AGO4: variants seen among roughly 807,000 people sequenced by gnomAD.
AGO4 encodes the protein protein argonaute-4.
Under a neutral mutation model 104.7 loss-of-function variants are expected in AGO4, and 33 were observed. The observed-to-expected ratio is 0.32, with a 90% CI of 0.24 to 0.42. AGO4 has a LOEUF of 0.42. Among genes scored for constraint, AGO4 ranks in the 10% least tolerant of loss-of-function variants. AGO4 has a pLI of 1.00. For missense variants in AGO4, 711 were observed against 1,083.4 expected (o/e 0.66, Z 4.83); for synonymous variants, 331 against 364.7 (o/e 0.91, Z 1.05).
At chr1:35,852,988 C>T (rs1037916306) in intron 17 of AGO4, among the ~76,000 whole-genome samples, 4 of 152,244 alleles carry the variant, frequency 2.6e-5, no homozygotes, top group Admixed American at 6.5e-5. Flanking sequence ...CGGTGGCTCA[C>T]GCCTGTAATC....
chr1:35,820,262 AC>A (rs1643864635), intron 2 of AGO4, among the ~76,000 whole-genome samples: 1 of 152,234 alleles, frequency 6.6e-6, no homozygotes, highest in African/African-American at 2.4e-5. Context: ...AAGAGGAATT[AC>A]AGACAACTCC....
intron 1 of AGO4, among the ~76,000 whole-genome samples, chr1:35,813,887 A>C (rs1643592330): frequency 6.6e-6 from 1 of 151,966 alleles, no homozygotes; most frequent in Non-Finnish European, 1.5e-5. Context: ...CAGCCTGGCC[A>C]ATGTAGTGAA....
At chr1:35,822,834 A>G (rs748553251) in intron 2 of AGO4, 28 bp from the exon 3 acceptor site, 2 of 1,611,822 alleles carry the variant, frequency 1.2e-6, no homozygotes, top group Non-Finnish European at 1.7e-6. Flanking sequence ...TCTGAAAGCT[A>G]ACTGCCATTA....
intron 13 of AGO4, among the ~76,000 whole-genome samples, chr1:35,839,341 TA>T (rs1279246247): frequency 6.6e-6 from 1 of 152,200 alleles, no homozygotes; most frequent in African/African-American, 2.4e-5. Flanking sequence ...GAAGTTAACC[TA>T]AAGTCTGTCT....
chr1:35,822,269 T>C (rs1322421204), intron 2 of AGO4, among the ~76,000 whole-genome samples: 1 of 152,100 alleles, frequency 6.6e-6, no homozygotes, highest in Non-Finnish European at 1.5e-5. Context: ...TTCTTTTTTT[T>C]CTTGAGACAG....
At position 35,850,330 on chromosome 1, in the gene AGO4, C is replaced by A. The variant is rs7354931; in HGVS notation, c.2277+72C>A. On this transcript the variant is annotated intron_variant, in intron 16 of 17. Transcript: ENST00000373210. ...TGCAAATTCAGCAACTAGCTTGAGTCGACTTGTTATTTAACACCGTGCCTA... is the reference window on the plus strand; with the variant it reads ...TGCAAATTCAGCAACTAGCTTGAGTAGACTTGTTATTTAACACCGTGCCTA... 4,799 of 1,143,442 alleles carry A rather than the reference C, an allele frequency of 4.2e-3. 90 individuals are homozygous for A. In the African/African-American group the frequency reaches 0.05, roughly 12 times the overall value. 70.8% of individuals were successfully genotyped at this position (1,143,442 alleles called of 1,614,324 possible).
chr1:35,811,173 A>C (rs981842764), intron 1 of AGO4, among the ~76,000 whole-genome samples: 3 of 150,956 alleles, frequency 2.0e-5, no homozygotes, highest in Admixed American at 1.3e-4. Flanking sequence ...ACCAAACCAC[A>C]ACAAAAAAAC....
chr1:35,817,444 C>T (rs1275784185), intron 2 of AGO4, among the ~76,000 whole-genome samples: 1 of 151,802 alleles, frequency 6.6e-6, no homozygotes, highest in Non-Finnish European at 1.5e-5. Context: ...CAGAAGATTA[C>T]TTGCAGATTT....
At chr1:35,823,075 A>G (rs1426876380) in intron 3 of AGO4, 93 bp downstream of exon 3, 5 of 1,461,806 alleles carry the variant, frequency 3.4e-6, no homozygotes, top group Admixed American at 1.9e-5. Context: ...CACAAAAAAC[A>G]TAAATGTTTG....
intron 7 of AGO4, among the ~76,000 whole-genome samples, chr1:35,830,973 CAAAAA>C (rs543347096): frequency 1.8e-5 from 1 of 57,094 alleles, no homozygotes. Flanking sequence ...CTCTGTCTCA[CAAAAA>C]AAAAAAAAAA....
chr1:35,841,278 A>G lies in AGO4; in HGVS notation c.1838A>G (p.His613Arg). The change falls in exon 14 of 18, where the codon CAC (histidine) becomes CGC (arginine). Residue 613 changes from histidine to arginine, a missense_variant. Physicochemically the swap from His to Arg is conservative, Grantham distance 29. This residue lies in a region of AGO4 where 401 missense variants were observed against 665.5 expected (regional missense o/e 0.60). Transcript: ENST00000373210. This position sits in a 1 kb window ranked among gnomAD's most constrained non-coding sequence, Gnocchi z 4.7. ...GCTGTGGTTGGCAGTATGGATGGCC[A>G]CCCCAGCCGGTACTGTGCCACCGTT... ...IAAVVGSMDGHPSRYCATVRV... is the reference protein window; with the variant it reads ...IAAVVGSMDGRPSRYCATVRV... 1 of 1,607,186 alleles carries G rather than the reference A, an allele frequency of 6.2e-7. No individual in the cohort carries two copies. The highest frequency in any genetic ancestry group is 8.5e-7 in the Non-Finnish European group (1 of 1,178,008).
Position 35,841,147 on chromosome 1 carries a change from C to T in AGO4, c.1725-18C>T. 2.5e-6 allele frequency: 4 copies of T among 1,596,324 alleles called. No individual in the cohort carries two copies. Among genetic ancestry groups the T allele is most frequent in the Non-Finnish European group, 3.4e-6 (4 of 1,166,270 alleles). On this transcript the variant is annotated intron_variant, in intron 13 of 17. Coordinates refer to ENST00000373210, the MANE Select transcript of AGO4 (RefSeq NM_017629.4). This position sits in a 1 kb window ranked among gnomAD's most constrained non-coding sequence, Gnocchi z 4.7. Reference sequence around the variant, plus strand: ...CACTTATATGTCTGAGTGGCAACATCTCCTTAAATCTGAGCAGGCCCTCGG... The same window carrying T: ...CACTTATATGTCTGAGTGGCAACATTTCCTTAAATCTGAGCAGGCCCTCGG...
intron 1 of AGO4, among the ~76,000 whole-genome samples, chr1:35,814,672 CT>C (rs1643633215): frequency 1.1e-4 from 17 of 152,004 alleles, no homozygotes; most frequent in Admixed American, 9.2e-4. Flanking sequence ...GACGGATCCT[CT>C]AGTCTGGGAG....
chr1:35,850,313 C>A, intron 16 of AGO4, 55 bp downstream of exon 16: 1 of 1,296,178 alleles, frequency 7.7e-7, no homozygotes, highest in East Asian at 2.3e-5. Flanking sequence ...TTTGCAAATT[C>A]AGCAACTAGC....
At chr1:35,822,160 A>T (rs1003887278) in intron 2 of AGO4, among the ~76,000 whole-genome samples, 72 of 151,160 alleles carry the variant, frequency 4.8e-4, no homozygotes, top group African/African-American at 1.6e-3. Context: ...AATTGCAGGC[A>T]TGAGCCACCA....
At chr1:35,807,947 G>A (rs1643346922), upstream of AGO4, among the ~76,000 whole-genome samples, 1 of 151,814 alleles carries the variant, frequency 6.6e-6, no homozygotes, top group Admixed American at 6.6e-5. Context: ...CGGGTGGACG[G>A]GGCAGAGCGG....
At chr1:35,829,361 G>A (rs1364823623) in intron 7 of AGO4, among the ~76,000 whole-genome samples, 2 of 150,108 alleles carry the variant, frequency 1.3e-5, no homozygotes, top group African/African-American at 4.9e-5. Context: ...GTTGAGAATT[G>A]TAGCATTTGT....
intron 15 of AGO4, among the ~76,000 whole-genome samples, chr1:35,846,814 C>T (rs1272263285): frequency 6.6e-6 from 1 of 151,988 alleles, no homozygotes; most frequent in African/African-American, 2.4e-5. Flanking sequence ...AGTCATCCCT[C>T]AGAATCCATG....
In AGO4 at chr1:35,831,650, T is replaced by C. The variant is rs1348991797; in HGVS notation, c.996+76T>C. On this transcript the variant is annotated intron_variant, in intron 8 of 17. Transcript: ENST00000373210. The stretch of plus-strand genomic sequence containing the variant: ...ATTTTTAAGTAGAGTTCTAAACTAG[T>C]GGTGAAATTTAGTGTTAATTTCTAA... 15 of 1,548,936 alleles carry C rather than the reference T, an allele frequency of 9.7e-6. No homozygotes were observed. In the Admixed American group the frequency reaches 2.7e-4, roughly 28 times the overall value.
Sources: allele counts gnomAD v4.1 joint callset (sites outside exome capture counted in the v4.1 genomes callset), GRCh38; gene constraint gnomAD v4.1.1; regional missense constraint gnomAD v4.1.1; non-coding constraint Gnocchi (gnomAD v3.1); transcripts MANE v1.5; gene names NCBI Gene and HGNC (gene_info 2026-07-23, HGNC 2026-07-21).